The following LUZP2 variants were observed in gnomAD, a reference collection of about 807,000 sequenced individuals.
LUZP2 encodes the protein leucine zipper protein 2.
In LUZP2, 52 loss-of-function variants were observed where a neutral mutation model predicts 51.6. The ratio of observed to expected loss-of-function variants is 1.01; its 90% CI spans 0.81 to 1.27. The LOEUF is 1.27. Ranked by LOEUF, LUZP2 falls within the 50% of genes most tolerant of loss-of-function variation. The pLI is 0.00. For missense variants in LUZP2, 436 were observed against 395.4 expected (o/e 1.10, Z -0.87); for synonymous variants, 154 against 137.3 (o/e 1.12, Z -0.85).
intron 5 of LUZP2, among the ~76,000 whole-genome samples, chr11:24,837,840 T>C (rs1850905058): frequency 6.6e-6 from 1 of 151,604 alleles, no homozygotes; most frequent in African/African-American, 2.4e-5. Flanking sequence ...CATCTTAGTA[T>C]TGTATTTGCT....
At chr11:24,853,528 T>C (rs1173481817) in intron 5 of LUZP2, among the ~76,000 whole-genome samples, 1 of 152,126 alleles carries the variant, frequency 6.6e-6, no homozygotes, top group African/African-American at 2.4e-5. Context: ...TTCTAAACTT[T>C]TTTTAAGGTG....
intron 1 of LUZP2, among the ~76,000 whole-genome samples, chr11:24,519,117 C>G (rs1414647187): frequency 2.0e-5 from 3 of 152,162 alleles, no homozygotes; most frequent in East Asian, 3.9e-4. Context: ...GTTATCCACT[C>G]AGGATTCATG....
intron 1 of LUZP2, among the ~76,000 whole-genome samples, chr11:24,685,830 A>G (rs1856882108): frequency 6.6e-6 from 1 of 152,220 alleles, no homozygotes. Flanking sequence ...GAGATAATAC[A>G]TGCTTGTTGA....
At chr11:24,993,830 A>T (rs1447760111) in intron 9 of LUZP2, among the ~76,000 whole-genome samples, 1 of 150,570 alleles carries the variant, frequency 6.6e-6, no homozygotes, top group Non-Finnish European at 1.5e-5. Flanking sequence ...TTTAAATTTG[A>T]TGAAGTCCAA....
rs1850627679 is a variant in LUZP2, at chr11:24,829,256, C to CA, written c.396+65953dup. Reference sequence around the variant, plus strand: ...AGAGAATGATTAGCAAGACCTTAACCAAAAATAAAGAGTTCTGGGTGTGGG... The same window carrying CA: ...AGAGAATGATTAGCAAGACCTTAACCAAAAAATAAAGAGTTCTGGGTGTGGG... On this transcript the variant is annotated intron_variant, in intron 5 of 11. Coordinates refer to ENST00000336930, the MANE Select transcript of LUZP2 (RefSeq NM_001009909.4). 2.0e-5 allele frequency among the ~76,000 whole-genome samples: 3 copies of CA among 152,102 alleles called. No individual in the cohort carries two copies. The South Asian group carries it at 6.2e-4, about 32-fold the overall frequency.
intron 9 of LUZP2, among the ~76,000 whole-genome samples, chr11:25,021,770 A>G (rs1345040816): frequency 4.1e-5 from 4 of 98,682 alleles, no homozygotes; most frequent in Admixed American, 9.1e-5. Flanking sequence ...GAAGAATGCA[A>G]TATAGGGGAA....
At chr11:24,893,171 C>T (rs1852911117) in intron 5 of LUZP2, 1 of 152,106 alleles carries the variant, frequency 6.6e-6, no homozygotes, top group South Asian at 2.1e-4. Flanking sequence ...TAACATAATA[C>T]TCATTATCAG....
rs906808359 is a variant in LUZP2 at position 24,673,665 on chromosome 11, C to A, written c.63-55504C>A. 2.0e-5 allele frequency among the ~76,000 whole-genome samples: 3 copies of A among 152,102 alleles called. No homozygotes were observed. In the South Asian group the frequency reaches 6.2e-4, roughly 32 times the overall value. ...GCCAGATAATTATTTGTTGGGGGAG[C>A]CTGTCCAGTGCATTGTTGGATGTTT... On this transcript the variant is annotated intron_variant, in intron 1 of 11. Coordinates refer to ENST00000336930, the MANE Select transcript of LUZP2 (RefSeq NM_001009909.4).
intron 5 of LUZP2, among the ~76,000 whole-genome samples, chr11:24,857,079 G>T (rs977793180): frequency 1.3e-5 from 2 of 151,824 alleles, no homozygotes; most frequent in African/African-American, 2.4e-5. Flanking sequence ...TACCTCTTAT[G>T]TTTATACGAA....
At chr11:24,782,983 A>G (rs1348098773) in intron 5 of LUZP2, among the ~76,000 whole-genome samples, 1 of 152,022 alleles carries the variant, frequency 6.6e-6, no homozygotes, top group Non-Finnish European at 1.5e-5. Flanking sequence ...GCAAAGAGCC[A>G]GAAGAGACTA....
At chr11:24,509,214 C>A (rs1160680228) in intron 1 of LUZP2, among the ~76,000 whole-genome samples, 2 of 152,188 alleles carry the variant, frequency 1.3e-5, no homozygotes, top group Middle Eastern at 3.4e-3. Context: ...ACTCAACATT[C>A]ACATTTGGTC....
chr11:24,792,429 A>T (rs1322734469), intron 5 of LUZP2, among the ~76,000 whole-genome samples: 1 of 152,036 alleles, frequency 6.6e-6, no homozygotes, highest in East Asian at 1.9e-4. Context: ...CTGTCTCAAA[A>T]AAAAAAAAGA....
intron 10 of LUZP2, among the ~76,000 whole-genome samples, chr11:25,055,737 A>T (rs913313248): frequency 2.6e-5 from 4 of 152,208 alleles, no homozygotes; most frequent in African/African-American, 7.2e-5. Context: ...GTGTTTTCTA[A>T]TGCTTGAGAT....
chr11:24,608,854 G>A (rs1012546414), intron 1 of LUZP2, among the ~76,000 whole-genome samples: 1 of 151,994 alleles, frequency 6.6e-6, no homozygotes, highest in Non-Finnish European at 1.5e-5. Context: ...GAGGGCAAGT[G>A]GTCAAACTTC....
At chr11:24,965,317 T>G (rs115343663) in intron 7 of LUZP2, among the ~76,000 whole-genome samples, 1 of 149,804 alleles carries the variant, frequency 6.7e-6, no homozygotes, top group Non-Finnish European at 1.5e-5. Context: ...TTTAAAGAGA[T>G]AGTTTTCTGC....
chr11:24,541,255 A>AG (rs1851354952), intron 1 of LUZP2, among the ~76,000 whole-genome samples: 4 of 75,896 alleles, frequency 5.3e-5, no homozygotes, highest in East Asian at 5.3e-4. Flanking sequence ...CTTCATCTCA[A>AG]GGAAAAAAAA....
At chr11:24,895,657 G>C (rs1853017565) in intron 5 of LUZP2, among the ~76,000 whole-genome samples, 1 of 152,168 alleles carries the variant, frequency 6.6e-6, no homozygotes, top group South Asian at 2.1e-4. Flanking sequence ...ACAATATCCA[G>C]TTGCATCTAT....
At chr11:24,563,673 A>T (rs1852127532) in intron 1 of LUZP2, among the ~76,000 whole-genome samples, 1 of 152,152 alleles carries the variant, frequency 6.6e-6, no homozygotes, top group Admixed American at 6.5e-5. Flanking sequence ...CCTCAATTTT[A>T]GAGAAACTAA....
At chr11:24,959,976 T>C (rs1449420514) in intron 7 of LUZP2, among the ~76,000 whole-genome samples, 2 of 152,210 alleles carry the variant, frequency 1.3e-5, no homozygotes, top group Non-Finnish European at 2.9e-5. Flanking sequence ...TTGAATTTTG[T>C]CAAAAGCCTT....
Sources: gnomAD v4.1 joint callset for allele counts (sites outside exome capture counted in the v4.1 genomes callset) on GRCh38, gnomAD v4.1.1 for gene constraint, MANE v1.5 for transcripts, NCBI Gene and HGNC (gene_info 2026-07-23, HGNC 2026-07-21) for gene names.